The following SLC24A2 variants were observed in gnomAD, a reference collection of about 807,000 sequenced individuals.
SLC24A2 encodes the protein solute carrier family 24 member 2.
In SLC24A2, 36 loss-of-function variants were observed where a neutral mutation model predicts 62.0. The observed-to-expected ratio is 0.58, with a 90% CI of 0.44 to 0.77. The LOEUF (loss-of-function observed/expected upper bound fraction) is 0.77. Ranked by LOEUF, SLC24A2 falls within the 30% of genes least tolerant of loss-of-function variation. The pLI is 0.00. For synonymous variants in SLC24A2, 358 were observed against 294.0 expected (o/e 1.22, Z -2.23); for missense variants, 846 against 817.9 (o/e 1.03, Z -0.42).
chr9:19,721,694 C>G (rs1231536087), intron 2 of SLC24A2, among the ~76,000 whole-genome samples: 2 of 152,120 alleles, frequency 1.3e-5, no homozygotes, highest in African/African-American at 2.4e-5. Context: ...CACATCATTC[C>G]TATGACTTTC....
chr9:19,741,730 C>G lies in SLC24A2; in HGVS notation c.930+44207G>C, dbSNP rs529395029. ...AATGGGTCTTGACTGACACAACCTC[C>G]AAGAGTTATATACTCTGTCCTTGCT... is the stretch of plus-strand genomic sequence containing the variant. On this transcript the variant is annotated intron_variant, in intron 2 of 10. Transcript: ENST00000341998. Among the ~76,000 whole-genome samples, 41 of 152,238 alleles carry G rather than the reference C, an allele frequency of 2.7e-4. 1 individual carries two copies. The highest frequency in any genetic ancestry group is 7.7e-4 in the African/African-American group (32 of 41,540).
At chr9:20,065,408 A>G in the SLC24A2 span, among the ~76,000 whole-genome samples, 1 of 152,204 alleles carries the variant, frequency 6.6e-6, no homozygotes, top group Non-Finnish European at 1.5e-5. Flanking sequence ...TGCCAGTCCC[A>G]ATATCCTGTA....
the SLC24A2 span, among the ~76,000 whole-genome samples, chr9:20,032,922 G>C: frequency 6.6e-6 from 1 of 152,164 alleles, no homozygotes; most frequent in Non-Finnish European, 1.5e-5. Flanking sequence ...CTAGAAAATG[G>C]CAAGACGTAA....
chr9:20,183,494 C>A, the SLC24A2 span, among the ~76,000 whole-genome samples: 4 of 152,200 alleles, frequency 2.6e-5, no homozygotes, highest in Admixed American at 6.5e-5. Flanking sequence ...AGAAAAGGAA[C>A]CTGCTTAACT....
At chr9:20,266,120 C>T in the SLC24A2 span, among the ~76,000 whole-genome samples, 1 of 152,194 alleles carries the variant, frequency 6.6e-6, no homozygotes, top group African/African-American at 2.4e-5. Flanking sequence ...TGATCTCGCC[C>T]TGCCTCCATT....
At chr9:20,238,101 C>G in the SLC24A2 span, among the ~76,000 whole-genome samples, 1 of 152,140 alleles carries the variant, frequency 6.6e-6, no homozygotes, top group Non-Finnish European at 1.5e-5. Context: ...TCCAGCTGAG[C>G]CTCCACAGAA....
At chr9:20,076,691 C>T in the SLC24A2 span, among the ~76,000 whole-genome samples, 2 of 151,852 alleles carry the variant, frequency 1.3e-5, no homozygotes, top group African/African-American at 4.8e-5. Flanking sequence ...AAGGGAAGAA[C>T]AAGTTCCTGG....
chr9:20,151,954 T>C, the SLC24A2 span, among the ~76,000 whole-genome samples: 1 of 151,820 alleles, frequency 6.6e-6, no homozygotes, highest in Non-Finnish European at 1.5e-5. Context: ...TCTCGGAGTC[T>C]GGGGCTTATA....
chr9:20,305,025 T>C, the SLC24A2 span, among the ~76,000 whole-genome samples: 7 of 151,848 alleles, frequency 4.6e-5, no homozygotes, highest in Non-Finnish European at 7.4e-5. Context: ...GGAGAGTGGA[T>C]TGGATATGGA....
chr9:19,995,210 C>T, the SLC24A2 span, among the ~76,000 whole-genome samples: 9 of 151,756 alleles, frequency 5.9e-5, no homozygotes, highest in African/African-American at 1.2e-4. Context: ...TTCTTTCACG[C>T]GTATCTTTTA....
At chr9:19,848,842 A>G in the SLC24A2 span, among the ~76,000 whole-genome samples, 3 of 152,222 alleles carry the variant, frequency 2.0e-5, no homozygotes, top group African/African-American at 7.2e-5. Context: ...TGACCTGAGC[A>G]TTTATTAAAT....
chr9:20,053,038 T>A, the SLC24A2 span, among the ~76,000 whole-genome samples: 1 of 152,208 alleles, frequency 6.6e-6, no homozygotes. Flanking sequence ...TCATTGAATA[T>A]AAAATATTTG....
At chr9:19,644,104 G>C (rs868681203) in intron 2 of SLC24A2, among the ~76,000 whole-genome samples, 1 of 152,202 alleles carries the variant, frequency 6.6e-6, no homozygotes, top group Middle Eastern at 3.2e-3. Flanking sequence ...AGCTTAGTGA[G>C]TAATAGCATC....
chr9:19,843,803 G>T, the SLC24A2 span, among the ~76,000 whole-genome samples: 1 of 152,066 alleles, frequency 6.6e-6, no homozygotes, highest in Non-Finnish European at 1.5e-5. Flanking sequence ...GTATTAATTT[G>T]CTTAGGATAA....
At chr9:19,906,891 A>G in the SLC24A2 span, among the ~76,000 whole-genome samples, 1 of 152,220 alleles carries the variant, frequency 6.6e-6, no homozygotes. Context: ...GAATTCTACC[A>G]GAGGTACAAG....
chr9:19,516,758 C>T (rs1339978373), intron 10 of SLC24A2, among the ~76,000 whole-genome samples: 1 of 152,050 alleles, frequency 6.6e-6, no homozygotes, highest in African/African-American at 2.4e-5. Context: ...AAGGTGAATT[C>T]CAGGATTTGC....
the SLC24A2 span, among the ~76,000 whole-genome samples, chr9:19,924,619 A>G: frequency 6.6e-6 from 1 of 152,206 alleles, no homozygotes. Flanking sequence ...CTCCTCCTTA[A>G]GAGCAAATAA....
At chr9:19,624,271 A>G (rs1403804152) in intron 2 of SLC24A2, among the ~76,000 whole-genome samples, 2 of 152,134 alleles carry the variant, frequency 1.3e-5, no homozygotes, top group African/African-American at 4.8e-5. Flanking sequence ...TAAATGGGAG[A>G]CCAATAATTA....
At chr9:19,683,230 CA>C (rs1331110482) in intron 2 of SLC24A2, among the ~76,000 whole-genome samples, 2 of 152,128 alleles carry the variant, frequency 1.3e-5, no homozygotes, top group African/African-American at 4.8e-5. Flanking sequence ...CCCCCACAGG[CA>C]AGATGCAGTT....
Sources: allele counts gnomAD v4.1 joint callset (sites outside exome capture counted in the v4.1 genomes callset), GRCh38; gene constraint gnomAD v4.1.1; transcripts MANE v1.5; gene names NCBI Gene and HGNC (gene_info 2026-07-23, HGNC 2026-07-21).